Variants in TIMP3 observed in about 807,000 individuals in gnomAD.
TIMP3 encodes the protein metalloproteinase inhibitor 3.
In TIMP3, 11 loss-of-function variants were observed where a neutral mutation model predicts 30.0. The observed-to-expected ratio is 0.37, with a 90% CI of 0.23 to 0.61. The LOEUF (loss-of-function observed/expected upper bound fraction) is 0.61, where lower values mean the gene tolerates loss of function less well. TIMP3 is among the 20% of genes least tolerant of loss of function. The pLI is 0.70. For missense variants in TIMP3, 181 were observed against 276.8 expected (o/e 0.65, Z 2.45); for synonymous variants, 112 against 111.3 (o/e 1.01, Z -0.04).
chr22:32,858,158 G>A lies in TIMP3; in HGVS notation c.438+20G>A, dbSNP rs748420372. ...TGCAAGGTAAGCTCTGGGGTCACTGGGGGAAGGAGGGGAGGTGCTGACTTG... is the reference window on the plus strand; with the variant it reads ...TGCAAGGTAAGCTCTGGGGTCACTGAGGGAAGGAGGGGAGGTGCTGACTTG... On this transcript the variant is annotated intron_variant, in intron 4 of 4. Transcript: ENST00000266085. 9 of 1,611,456 alleles carry A rather than the reference G, an allele frequency of 5.6e-6. No homozygotes were observed. In the Admixed American group the frequency reaches 1.5e-4, roughly 27 times the overall value.
At chr22:32,854,339 A>G (rs1283646466) in intron 2 of TIMP3, among the ~76,000 whole-genome samples, 1 of 152,094 alleles carries the variant, frequency 6.6e-6, no homozygotes, top group Non-Finnish European at 1.5e-5. Context: ...TGCGGTGCCA[A>G]GCTGATTTCG....
intron 1 of TIMP3, among the ~76,000 whole-genome samples, chr22:32,808,666 C>T (rs981140148): frequency 4.6e-5 from 7 of 152,198 alleles, no homozygotes; most frequent in African/African-American, 1.7e-4. Context: ...GACACCCCCT[C>T]GGTTTTGAAC....
chr22:32,854,950 C>T (rs1305710297), intron 2 of TIMP3, among the ~76,000 whole-genome samples: 1 of 152,160 alleles, frequency 6.6e-6, no homozygotes. Flanking sequence ...CCAGTCACCA[C>T]TTAAAAGATG....
rs956328056 is a variant in TIMP3, at chr22:32,814,139, TGTGAGAGAGAGA to T, written c.121+12019_121+12030del. The stretch of plus-strand genomic sequence containing the variant: ...GTGTGTGTGTGTGTGTGTGTGTGTG[TGTGAGAGAGAGA>T]GAGAGAGAGAGAGAGAAAGAGAAAG... On this transcript the variant is annotated intron_variant, in intron 1 of 4. Coordinates refer to ENST00000266085, the MANE Select transcript of TIMP3 (RefSeq NM_000362.5). Among the ~76,000 whole-genome samples the T allele has an allele frequency of 7.7e-5, 7 of 90,552 alleles. No homozygotes were observed. The East Asian group carries it at 2.0e-3, about 26-fold the overall frequency. The allele number at this position is 90,552 out of a possible 152,430, so 59.4% of individuals were successfully genotyped here.
chr22:32,816,522 T>G (rs2047091768), intron 1 of TIMP3, among the ~76,000 whole-genome samples: 1 of 152,184 alleles, frequency 6.6e-6, no homozygotes, highest in African/African-American at 2.4e-5. Flanking sequence ...ACCAGCTTTT[T>G]TATTTTTGGT....
intron 1 of TIMP3, among the ~76,000 whole-genome samples, chr22:32,804,470 C>T (rs991746522): frequency 6.6e-6 from 1 of 152,182 alleles, no homozygotes; most frequent in African/African-American, 2.4e-5. Flanking sequence ...CTTTGTAGCC[C>T]CCTAAAGGTG....
chr22:32,840,877 C>T (rs1024734539), intron 1 of TIMP3, among the ~76,000 whole-genome samples: 3 of 152,210 alleles, frequency 2.0e-5, no homozygotes, highest in African/African-American at 4.8e-5. Context: ...TGGTCTCTCT[C>T]ACCTCTGGCC....
intron 1 of TIMP3, among the ~76,000 whole-genome samples, chr22:32,822,936 AAAAC>A (rs76880987): frequency 7.9e-5 from 12 of 151,376 alleles, no homozygotes; most frequent in East Asian, 1.9e-4. Flanking sequence ...CAACAAAAAA[AAAAC>A]AGAGAGAGAG....
chr22:32,820,353 CGT>C (rs35230068), intron 1 of TIMP3, among the ~76,000 whole-genome samples: 3,581 of 141,636 alleles, frequency 0.025, 104 homozygotes, highest in African/African-American at 0.073. Context: ...CATTCCACTG[CGT>C]GTGTGTGTGT....
rs150793535 is a variant in TIMP3, at chr22:32,821,452, A to C, written c.121+19330A>C. ...GTCAAAGAAGGTGGGTGTGGCCCTC[A>C]TAGCCAGAGTTGATAGAAATGGATT... On this transcript the variant is annotated intron_variant, in intron 1 of 4. Coordinates refer to ENST00000266085, the MANE Select transcript of TIMP3 (RefSeq NM_000362.5). Among the ~76,000 whole-genome samples the C allele has an allele frequency of 3.6e-3, 546 of 152,344 alleles. 3 individuals carry two copies. Among genetic ancestry groups the C allele is most frequent in the African/African-American group, 0.012 (506 of 41,582 alleles).
chr22:32,823,845 A>G (rs1379991066), intron 1 of TIMP3, among the ~76,000 whole-genome samples: 4 of 152,176 alleles, frequency 2.6e-5, no homozygotes, highest in Non-Finnish European at 5.9e-5. Context: ...GTCCACTCCT[A>G]TAAGATGGTA....
chr22:32,862,721 G>A lies in TIMP3; in HGVS notation c.*3344G>A, dbSNP rs540193577. 7 of 152,470 alleles carry A rather than the reference G, an allele frequency of 4.6e-5. No homozygotes were observed. The highest frequency in any genetic ancestry group is 1.7e-4 in the African/African-American group (7 of 41,594). 9.4% of individuals were successfully genotyped at this position (152,470 alleles called of 1,614,324 possible). Reference sequence around the variant, plus strand: ...TTCCAAATTGGCTCTTTGGAGGCGAGAGGAAGGGGAGAACTTGGAGAATAG... The same window carrying A: ...TTCCAAATTGGCTCTTTGGAGGCGAAAGGAAGGGGAGAACTTGGAGAATAG... On this transcript the variant is annotated 3_prime_UTR_variant, in exon 5 of 5. Coordinates refer to ENST00000266085, the MANE Select transcript of TIMP3 (RefSeq NM_000362.5).
At chr22:32,845,781 G>C (rs975168931) in intron 1 of TIMP3, among the ~76,000 whole-genome samples, 3 of 152,314 alleles carry the variant, frequency 2.0e-5, no homozygotes, top group South Asian at 2.1e-4. Flanking sequence ...CATGCTGCCA[G>C]TTACCAGTTT....
intron 2 of TIMP3, among the ~76,000 whole-genome samples, chr22:32,850,969 T>C (rs2048202275): frequency 6.6e-6 from 1 of 152,210 alleles, no homozygotes; most frequent in Admixed American, 6.5e-5. Flanking sequence ...ACCTGTTGCT[T>C]TGGATTCAAT....
At chr22:32,807,399 A>ATATTATATATAATATATATT (rs130273) in intron 1 of TIMP3, among the ~76,000 whole-genome samples, 3,660 of 117,684 alleles carry the variant, frequency 0.031, 89 homozygotes, top group Non-Finnish European at 0.037. Context: ...TATATAATAT[A>ATATTATATATAATATATATT]TATATATTAT....
At position 32,860,638 on chromosome 22, in the gene TIMP3, A is replaced by C. The variant is rs902984276; in HGVS notation, c.*1261A>C. 6.6e-6 allele frequency: 1 copy of C among 152,348 alleles called. No individual in the cohort carries two copies. The highest frequency in any genetic ancestry group is 1.9e-4 in the East Asian group (1 of 5,180). 9.4% of individuals were successfully genotyped at this position (152,348 alleles called of 1,614,324 possible). ...CTGTCCGTCTCCTTGTCCCTGCTTC[A>C]TGTTTGGGGGCCTTTCTTTAACTGC... On this transcript the variant is annotated 3_prime_UTR_variant, in exon 5 of 5. Transcript: ENST00000266085.
At chr22:32,802,249 A>G in intron 1 of TIMP3, 127 bp downstream of exon 1, 1 of 1,380,558 alleles carries the variant, frequency 7.2e-7, no homozygotes, top group Non-Finnish European at 9.6e-7. Context: ...GTTGGGGCGG[A>G]GTGGAGAAAC....
intron 1 of TIMP3, among the ~76,000 whole-genome samples, chr22:32,815,447 T>G (rs1471871000): frequency 6.6e-6 from 1 of 152,220 alleles, no homozygotes; most frequent in South Asian, 2.1e-4. Flanking sequence ...TTAACATTTA[T>G]TGATTTGTTT....
intron 2 of TIMP3, among the ~76,000 whole-genome samples, chr22:32,852,390 A>C (rs964299091): frequency 6.6e-6 from 1 of 152,222 alleles, no homozygotes; most frequent in African/African-American, 2.4e-5. Flanking sequence ...ATCATCCAGC[A>C]GTGTAGGGCT....
Sources: gnomAD v4.1 joint callset for allele counts (sites outside exome capture counted in the v4.1 genomes callset) on GRCh38, gnomAD v4.1.1 for gene constraint, MANE v1.5 for transcripts, NCBI Gene and HGNC (gene_info 2026-07-23, HGNC 2026-07-21) for gene names.